Variants in CALN1 observed in about 807,000 individuals in gnomAD.
The protein encoded by CALN1 is calcium-binding protein 8.
Under a neutral mutation model 30.6 loss-of-function variants are expected in CALN1, and 17 were observed. The ratio of observed to expected loss-of-function variants is 0.56; its 90% CI spans 0.38 to 0.83. The LOEUF is 0.83. Among genes scored for constraint, CALN1 ranks in the 40% least tolerant of loss-of-function variants. The pLI is 0.00. For synonymous variants in CALN1, 156 were observed against 131.4 expected (o/e 1.19, Z -1.28); for missense variants, 291 against 354.9 (o/e 0.82, Z 1.45).
At chr7:72,408,159 A>G (rs905945564) in intron 1 of CALN1, among the ~76,000 whole-genome samples, 3 of 151,876 alleles carry the variant, frequency 2.0e-5, no homozygotes, top group Non-Finnish European at 2.9e-5. Flanking sequence ...TAGGCCTGGC[A>G]TGGAGGCTCA....
At chr7:71,790,738 T>TC (rs1322381609) in intron 6 of CALN1, among the ~76,000 whole-genome samples, 2 of 152,198 alleles carry the variant, frequency 1.3e-5, no homozygotes, top group Non-Finnish European at 2.9e-5. Flanking sequence ...GAATCAGACC[T>TC]CTGGGGTGGA....
At chr7:72,432,993 C>A (rs1808024140) in intron 1 of CALN1, among the ~76,000 whole-genome samples, 1 of 152,114 alleles carries the variant, frequency 6.6e-6, no homozygotes, top group East Asian at 1.9e-4. Context: ...TCTGTTTGAA[C>A]CCAACATTTG....
intron 2 of CALN1, among the ~76,000 whole-genome samples, chr7:72,343,875 A>G (rs1402120975): frequency 2.6e-5 from 4 of 152,184 alleles, no homozygotes; most frequent in African/African-American, 9.6e-5. Context: ...GTTTCTGGGA[A>G]AGATGGACTC....
intron 5 of CALN1, among the ~76,000 whole-genome samples, chr7:71,818,237 C>A (rs1788382018): frequency 6.6e-6 from 1 of 151,652 alleles, no homozygotes; most frequent in South Asian, 2.1e-4. Flanking sequence ...TGCCTACTAT[C>A]AAAGACCTAA....
intron 3 of CALN1, among the ~76,000 whole-genome samples, chr7:72,263,320 A>G (rs1796393553): frequency 6.6e-6 from 1 of 152,198 alleles, no homozygotes; most frequent in South Asian, 2.1e-4. Context: ...TACAGGTGAG[A>G]AAATCAAAAC....
At chr7:72,397,676 G>GCT (rs913181081) in intron 2 of CALN1, among the ~76,000 whole-genome samples, 7 of 149,674 alleles carry the variant, frequency 4.7e-5, no homozygotes, top group African/African-American at 1.7e-4. Context: ...GGATCTCACT[G>GCT]CTCCTCTTGG....
chr7:71,780,142 CT>C lies in CALN1; in HGVS notation c.*7632del, dbSNP rs1479656948. ...TGGTTGGTCCTTGGAGAAAAAGCTT[CT>C]TCCTGGATTCAGAACTGGGGAAGAA... On this transcript the variant is annotated 3_prime_UTR_variant, in exon 7 of 7. Transcript: ENST00000395275. 2 of 152,202 alleles carry C rather than the reference CT, an allele frequency of 1.3e-5. No homozygotes were observed. The highest frequency in any genetic ancestry group is 2.9e-5 in the Non-Finnish European group (2 of 68,038). 9.4% of individuals were successfully genotyped at this position (152,202 alleles called of 1,614,324 possible).
chr7:72,012,342 A>G (rs1466679859), intron 5 of CALN1, among the ~76,000 whole-genome samples: 1 of 152,090 alleles, frequency 6.6e-6, no homozygotes, highest in African/African-American at 2.4e-5. Context: ...GTGAAATCCC[A>G]TTTCTACTAA....
chr7:72,188,339 C>T (rs115516236), intron 3 of CALN1, among the ~76,000 whole-genome samples: 5,016 of 151,988 alleles, frequency 0.033, 264 homozygotes, highest in African/African-American at 0.11. Context: ...TCTTTATATA[C>T]ACATATATAT....
chr7:72,320,075 C>A (rs1343514317), intron 2 of CALN1, among the ~76,000 whole-genome samples: 1 of 151,938 alleles, frequency 6.6e-6, no homozygotes, highest in Non-Finnish European at 1.5e-5. Context: ...GAGCTGAGAT[C>A]GTGCCGTTAC....
intron 3 of CALN1, among the ~76,000 whole-genome samples, chr7:72,278,023 T>C (rs1797466786): frequency 8.1e-6 from 1 of 123,806 alleles, no homozygotes; most frequent in Non-Finnish European, 1.7e-5. Context: ...GGGGGGGACT[T>C]GTTTTTCCTA....
At chr7:72,225,404 G>C (rs975529390) in intron 3 of CALN1, among the ~76,000 whole-genome samples, 15 of 152,022 alleles carry the variant, frequency 9.9e-5, no homozygotes, top group Admixed American at 9.8e-4. Flanking sequence ...GCACGGGGGA[G>C]GGGCAACGAT....
chr7:71,855,335 C>T (rs757568037), intron 5 of CALN1, among the ~76,000 whole-genome samples: 1 of 152,148 alleles, frequency 6.6e-6, no homozygotes, highest in Admixed American at 6.5e-5. Context: ...CTCTGGCTGA[C>T]GCTGGACAAT....
chr7:72,197,480 G>A (rs1009605668), intron 3 of CALN1, among the ~76,000 whole-genome samples: 5 of 151,962 alleles, frequency 3.3e-5, no homozygotes, highest in African/African-American at 7.3e-5. Flanking sequence ...GATTACAGGC[G>A]TGAGCCACCA....
At chr7:72,469,309 G>A in the CALN1 span, among the ~76,000 whole-genome samples, 7 of 152,150 alleles carry the variant, frequency 4.6e-5, no homozygotes, top group Non-Finnish European at 7.4e-5. Context: ...TCCCAGTACC[G>A]TTGTTAAAAA....
chr7:71,982,590 G>C (rs1025011806), intron 5 of CALN1, among the ~76,000 whole-genome samples: 20 of 152,112 alleles, frequency 1.3e-4, no homozygotes, highest in African/African-American at 4.8e-4. Flanking sequence ...GTGAAACTCT[G>C]TCGCAAAACA....
chr7:72,308,372 G>GGGGGGGGA (rs373934467), intron 2 of CALN1, among the ~76,000 whole-genome samples: 1 of 92,624 alleles, frequency 1.1e-5, no homozygotes. Context: ...TGTGGGGGGG[G>GGGGGGGGA]GAGAGAGAGA....
At chr7:72,252,263 C>G (rs73129509) in intron 3 of CALN1, among the ~76,000 whole-genome samples, 1 of 152,050 alleles carries the variant, frequency 6.6e-6, no homozygotes, top group Non-Finnish European at 1.5e-5. Flanking sequence ...ACACCTACCC[C>G]GCACCCCAAT....
At chr7:72,248,863 T>A (rs1271395471) in intron 3 of CALN1, among the ~76,000 whole-genome samples, 4 of 152,208 alleles carry the variant, frequency 2.6e-5, no homozygotes, top group South Asian at 4.1e-4. Flanking sequence ...ATTTTGAGAA[T>A]CAGGATAGTC....
Sources: allele counts gnomAD v4.1 joint callset (sites outside exome capture counted in the v4.1 genomes callset), GRCh38; gene constraint gnomAD v4.1.1; transcripts MANE v1.5; gene names NCBI Gene and HGNC (gene_info 2026-07-23, HGNC 2026-07-21).